The following IL1RAPL1 variants were observed in gnomAD, a reference collection of about 807,000 sequenced individuals.
IL1RAPL1 encodes interleukin-1 receptor accessory protein-like 1.
A neutral mutation model predicts 48.4 loss-of-function variants in IL1RAPL1; 3 were observed. The ratio of observed to expected loss-of-function variants is 0.06; its 90% CI spans 0.03 to 0.16. The LOEUF (loss-of-function observed/expected upper bound fraction) is 0.16. Ranked by LOEUF, IL1RAPL1 falls within the 10% of genes least tolerant of loss-of-function variation. The pLI, the probability that IL1RAPL1 is intolerant of heterozygous loss-of-function variation, is 1.00. For missense variants in IL1RAPL1, 349 were observed against 530.6 expected, an observed-to-expected ratio of 0.66 and a Z score of 3.36; for synonymous variants, 185 against 187.7, an observed-to-expected ratio of 0.99 and a Z score of 0.12.
At chrX:29,338,394 A>T (rs1249890510) in intron 3 of IL1RAPL1, among the ~76,000 whole-genome samples, 2 of 112,198 alleles carry the variant, frequency 1.8e-5, no homozygotes, top group Admixed American at 9.5e-5. Context: ...GGTTTTGTAG[A>T]TATTATTAAA....
chrX:28,981,090 C>CAAAA (rs57824632), intron 2 of IL1RAPL1, among the ~76,000 whole-genome samples: 9 of 24,306 alleles, frequency 3.7e-4, no homozygotes, highest in African/African-American at 1.7e-3. Flanking sequence ...GACCCTGTCT[C>CAAAA]AAAAAAAAAA....
chrX:28,750,727 G>A (rs1936033593), intron 1 of IL1RAPL1, among the ~76,000 whole-genome samples: 1 of 111,509 alleles, frequency 9.0e-6, no homozygotes, highest in Non-Finnish European at 1.9e-5. Context: ...GTAAGGAAAA[G>A]CCATACATTT....
chrX:29,496,762 C>T (rs1441955916), intron 5 of IL1RAPL1, among the ~76,000 whole-genome samples: 1 of 111,438 alleles, frequency 9.0e-6, no homozygotes, highest in Non-Finnish European at 1.9e-5. Context: ...GTTCATGAAA[C>T]TTTTATTGGG....
chrX:28,755,783 G>A (rs367611820), intron 1 of IL1RAPL1, among the ~76,000 whole-genome samples: 4 of 111,737 alleles, frequency 3.6e-5, no homozygotes, highest in African/African-American at 9.7e-5. Flanking sequence ...CCTATTCTAT[G>A]TATTCCTTAG....
At chrX:28,627,560 C>T (rs1250882355) in intron 1 of IL1RAPL1, among the ~76,000 whole-genome samples, 2 of 112,241 alleles carry the variant, frequency 1.8e-5, no homozygotes, top group Non-Finnish European at 3.8e-5. Flanking sequence ...AACACCTATG[C>T]TCACTCTGTG....
chrX:28,757,957 G>A (rs1936124001), intron 1 of IL1RAPL1, among the ~76,000 whole-genome samples: 1 of 112,166 alleles, frequency 8.9e-6, no homozygotes, highest in African/African-American at 3.2e-5. Context: ...TGGACGATAA[G>A]GTGAAAGCAT....
At chrX:28,638,996 A>G (rs893947674) in intron 1 of IL1RAPL1, among the ~76,000 whole-genome samples, 5 of 111,672 alleles carry the variant, frequency 4.5e-5, no homozygotes, top group Non-Finnish European at 9.4e-5. Context: ...ATATTCTCTT[A>G]TTGCTGGCTG....
intron 2 of IL1RAPL1, among the ~76,000 whole-genome samples, chrX:28,819,217 A>G (rs1481941453): frequency 9.0e-6 from 1 of 111,299 alleles, no homozygotes; most frequent in Non-Finnish European, 1.9e-5. Flanking sequence ...GTCTGAGAAA[A>G]TAAAAACCCA....
chrX:29,666,615 G>A (rs977951167), intron 5 of IL1RAPL1, among the ~76,000 whole-genome samples: 2 of 108,957 alleles, frequency 1.8e-5, no homozygotes, highest in Non-Finnish European at 1.9e-5. Context: ...AGTGGGTGGT[G>A]GGTTATGATG....
intron 2 of IL1RAPL1, among the ~76,000 whole-genome samples, chrX:28,875,245 C>T (rs1922338531): frequency 9.0e-6 from 1 of 111,670 alleles, no homozygotes; most frequent in East Asian, 2.8e-4. Flanking sequence ...TTAGCATTGA[C>T]TTTTAGATTA....
At chrX:29,647,178 C>T (rs961467981) in intron 5 of IL1RAPL1, among the ~76,000 whole-genome samples, 3 of 110,814 alleles carry the variant, frequency 2.7e-5, no homozygotes, top group African/African-American at 9.8e-5. Flanking sequence ...GGCGAAACCT[C>T]GTCTCTACCG....
At chrX:28,781,854 C>T (rs182752242) in intron 1 of IL1RAPL1, among the ~76,000 whole-genome samples, 1 of 111,448 alleles carries the variant, frequency 9.0e-6, no homozygotes, top group East Asian at 2.8e-4. Context: ...CTCCCATCAT[C>T]AGATTATCAG....
chrX:29,179,510 C>CCTAGTAT (rs1432892071), intron 2 of IL1RAPL1, among the ~76,000 whole-genome samples: 4 of 110,694 alleles, frequency 3.6e-5, no homozygotes, highest in Admixed American at 9.6e-5. Flanking sequence ...AGCTATGTTA[C>CCTAGTAT]CTAGTATGGC....
intron 3 of IL1RAPL1, among the ~76,000 whole-genome samples, chrX:29,294,714 A>T (rs1932424373): frequency 9.0e-6 from 1 of 110,571 alleles, no homozygotes; most frequent in African/African-American, 3.3e-5. Context: ...TGTGGGTCAC[A>T]GTTTGCTGAC....
intron 2 of IL1RAPL1, among the ~76,000 whole-genome samples, chrX:28,828,005 T>C (rs1937010888): frequency 9.0e-6 from 1 of 111,439 alleles, no homozygotes; most frequent in Non-Finnish European, 1.9e-5. Flanking sequence ...TTTACTCTTC[T>C]TTTTTTTGAC....
At chrX:29,738,500 G>A (rs1928110635) in intron 6 of IL1RAPL1, among the ~76,000 whole-genome samples, 1 of 98,980 alleles carries the variant, frequency 1.0e-5, no homozygotes, top group South Asian at 4.8e-4. Flanking sequence ...AGGCTGGAGT[G>A]TATGGTGTGA....
chrX:29,802,261 C>T (rs1929928571), intron 6 of IL1RAPL1, among the ~76,000 whole-genome samples: 1 of 111,767 alleles, frequency 8.9e-6, no homozygotes, highest in African/African-American at 3.3e-5. Flanking sequence ...TTTGAAAAGC[C>T]AGATTGATGT....
chrX:28,657,784 A>G (rs898930181), intron 1 of IL1RAPL1, among the ~76,000 whole-genome samples: 10 of 111,966 alleles, frequency 8.9e-5, no homozygotes, highest in African/African-American at 1.3e-4. Flanking sequence ...TGCTTGTGCT[A>G]CAGCTAGAAG....
At chrX:29,397,491 TA>T (rs1372372763) in intron 4 of IL1RAPL1, among the ~76,000 whole-genome samples, 1 of 112,638 alleles carries the variant, frequency 8.9e-6, no homozygotes, top group African/African-American at 3.2e-5. Flanking sequence ...GGAAGATTTT[TA>T]TACTTGTCCC....
Sources: gnomAD v4.1 joint callset for allele counts (sites outside exome capture counted in the v4.1 genomes callset) on GRCh38, gnomAD v4.1.1 for gene constraint, MANE v1.5 for transcripts, NCBI Gene and HGNC (gene_info 2026-07-23, HGNC 2026-07-21) for gene names.